The following CLNK variants were observed in gnomAD, a reference collection of about 807,000 sequenced individuals.
CLNK encodes cytokine-dependent hematopoietic cell linker.
In CLNK, 74 loss-of-function variants were observed where a neutral mutation model predicts 68.6. The observed-to-expected ratio is 1.08, with a 90% CI of 0.89 to 1.31. The LOEUF is 1.31. Among genes scored for constraint, CLNK ranks in the 50% most tolerant of loss-of-function variants. CLNK has a pLI of 0.00. For synonymous variants in CLNK, 198 were observed against 172.2 expected (o/e 1.15, Z -1.17); for missense variants, 553 against 515.3 (o/e 1.07, Z -0.71).
At chr4:10,584,998 C>A in intron 3 of CLNK, 43 bp from the exon 4 acceptor site, 1 of 1,606,824 alleles carries the variant, frequency 6.2e-7, no homozygotes, top group South Asian at 1.1e-5. Context: ...CATTGCTCCA[C>A]CTCCACCGAC....
At chr4:10,733,934 C>G in the CLNK span, among the ~76,000 whole-genome samples, 11 of 152,276 alleles carry the variant, frequency 7.2e-5, no homozygotes, top group East Asian at 2.1e-3. Flanking sequence ...TGTTTACTTC[C>G]TAAGAGTGCA....
intron 1 of CLNK, among the ~76,000 whole-genome samples, chr4:10,670,408 C>G (rs993754957): frequency 3.3e-5 from 5 of 152,226 alleles, no homozygotes; most frequent in African/African-American, 9.6e-5. Context: ...TAAGTAGCAT[C>G]GAAATGGGAC....
chr4:10,566,206 C>A (rs1193714392), intron 5 of CLNK, 56 bp from the exon 6 acceptor site: 3 of 1,581,158 alleles, frequency 1.9e-6, no homozygotes, highest in Non-Finnish European at 2.6e-6. Flanking sequence ...TTGACAAAGA[C>A]AGGCTACAGT....
intron 2 of CLNK, among the ~76,000 whole-genome samples, chr4:10,617,966 G>A (rs1011908837): frequency 6.6e-6 from 1 of 152,188 alleles, no homozygotes; most frequent in Non-Finnish European, 1.5e-5. Context: ...AAAGAATCAA[G>A]ATTCTGGAGA....
chr4:10,632,999 G>A (rs567483208), intron 2 of CLNK, among the ~76,000 whole-genome samples: 78 of 152,290 alleles, frequency 5.1e-4, no homozygotes, highest in African/African-American at 1.8e-3. Context: ...GTGCAGGGGC[G>A]TGATCTCAGC....
intron 13 of CLNK, 84 bp from the exon 14 acceptor site, chr4:10,526,006 A>G: frequency 1.3e-6 from 1 of 749,420 alleles, no homozygotes; most frequent in Non-Finnish European, 2.2e-6. Context: ...AACTACTATA[A>G]TTTCCTCCAA....
the CLNK span, among the ~76,000 whole-genome samples, chr4:10,730,461 T>A: frequency 6.6e-6 from 1 of 152,228 alleles, no homozygotes; most frequent in African/African-American, 2.4e-5. Flanking sequence ...TGGATAAATA[T>A]AATGACCTTG....
chr4:10,653,709 T>C (rs1723846924), intron 2 of CLNK, among the ~76,000 whole-genome samples: 1 of 152,184 alleles, frequency 6.6e-6, no homozygotes, highest in Middle Eastern at 3.4e-3. Context: ...GTTACTCGTA[T>C]CAAAAATGAA....
chr4:10,670,150 A>G (rs1724572517), intron 1 of CLNK, among the ~76,000 whole-genome samples: 1 of 152,254 alleles, frequency 6.6e-6, no homozygotes, highest in African/African-American at 2.4e-5. Flanking sequence ...CTTACAAACT[A>G]TGAAATGTTA....
chr4:10,665,681 A>AAAAAAAAG, intron 2 of CLNK, among the ~76,000 whole-genome samples: 1 of 151,770 alleles, frequency 6.6e-6, no homozygotes, highest in Non-Finnish European at 1.5e-5. Context: ...AAAAAAAAAA[A>AAAAAAAAG]AAGGCACAGA....
In CLNK at chr4:10,684,736, T is replaced by G. The variant is rs1360053696; in HGVS notation, c.-111A>C. On this transcript the variant is annotated 5_prime_UTR_variant, in exon 1 of 19. Transcript: ENST00000226951. The stretch of plus-strand genomic sequence containing the variant: ...CGTCTCCTGTGAGGAGGGGCGGCAG[T>G]GCAGAGACCTTGGGGCACTGGAAAT... The G allele has an allele frequency of 6.6e-6, 1 of 152,264 alleles. No homozygotes were observed. Among genetic ancestry groups the G allele is most frequent in the East Asian group, 1.9e-4 (1 of 5,188 alleles). 9.4% of individuals were successfully genotyped at this position (152,264 alleles called of 1,614,324 possible).
At chr4:10,638,252 A>ACTT (rs1159221973) in intron 2 of CLNK, among the ~76,000 whole-genome samples, 3 of 152,162 alleles carry the variant, frequency 2.0e-5, no homozygotes, top group Non-Finnish European at 4.4e-5. Flanking sequence ...CCCTGGGAAA[A>ACTT]CTTTCACTAT....
intron 2 of CLNK, among the ~76,000 whole-genome samples, chr4:10,607,416 C>T (rs867789265): frequency 9.2e-5 from 14 of 152,278 alleles, no homozygotes; most frequent in Middle Eastern, 3.4e-3. Context: ...TTTCAATGAA[C>T]GCATGCCTTG....
At chr4:10,596,282 C>T (rs1325392536) in intron 3 of CLNK, among the ~76,000 whole-genome samples, 1 of 152,194 alleles carries the variant, frequency 6.6e-6, no homozygotes, top group African/African-American at 2.4e-5. Flanking sequence ...GCCTCAGCCT[C>T]CCAAAGTGCT....
chr4:10,656,349 A>C (rs1350047329), intron 2 of CLNK, among the ~76,000 whole-genome samples: 3 of 151,342 alleles, frequency 2.0e-5, no homozygotes, highest in Non-Finnish European at 2.9e-5. Context: ...AAAAAAAAAA[A>C]AAATCTTTTG....
the CLNK span, among the ~76,000 whole-genome samples, chr4:10,724,419 T>A: frequency 9.2e-5 from 14 of 152,248 alleles, no homozygotes; most frequent in South Asian, 2.3e-3. Flanking sequence ...CTTTTCCTGT[T>A]GTTATAGCTT....
intron 2 of CLNK, among the ~76,000 whole-genome samples, chr4:10,624,293 AT>A (rs1560248276): frequency 6.6e-6 from 1 of 152,062 alleles, no homozygotes; most frequent in Non-Finnish European, 1.5e-5. Flanking sequence ...TTCCACAAAG[AT>A]TAGTGTCCAG....
chr4:10,491,020 A>C (rs3762898), intron 18 of CLNK, among the ~76,000 whole-genome samples: 109,982 of 152,044 alleles, frequency 0.72, 40,278 homozygotes, highest in Non-Finnish European at 0.79. Context: ...CCGCCTCGGC[A>C]TCCCAAAGTG....
intron 3 of CLNK, among the ~76,000 whole-genome samples, chr4:10,586,363 G>A (rs1329640717): frequency 7.6e-5 from 10 of 131,408 alleles, no homozygotes; most frequent in African/African-American, 2.3e-4. Context: ...TTGAGACAGA[G>A]TCTCTGTCAC....
Sources: gnomAD v4.1 joint callset for allele counts (sites outside exome capture counted in the v4.1 genomes callset) on GRCh38, gnomAD v4.1.1 for gene constraint, MANE v1.5 for transcripts, NCBI Gene and HGNC (gene_info 2026-07-23, HGNC 2026-07-21) for gene names.